The following RPN2 variants were observed in gnomAD, a reference collection of about 807,000 sequenced individuals.
RPN2 encodes the protein dolichyl-diphosphooligosaccharide--protein glycosyltransferase subunit 2.
RPN2 carries 29 observed loss-of-function variants against 71.4 expected under a neutral mutation model. The ratio of observed to expected loss-of-function variants is 0.41; its 90% CI spans 0.30 to 0.55. RPN2 has a LOEUF of 0.55. Among genes scored for constraint, RPN2 ranks in the 20% least tolerant of loss-of-function variants. The pLI is 0.35. For synonymous variants in RPN2, 308 were observed against 305.0 expected (o/e 1.01, Z -0.10); for missense variants, 726 against 774.1 (o/e 0.94, Z 0.74).
At chr20:37,223,836 C>T (rs752594863) in intron 9 of RPN2, 42 bp from the exon 10 acceptor site, 2 of 1,524,342 alleles carry the variant, frequency 1.3e-6, no homozygotes, top group East Asian at 4.5e-5. Flanking sequence ...TCCTGAACAC[C>T]CACCAATTGA....
intron 4 of RPN2, among the ~76,000 whole-genome samples, chr20:37,201,287 T>TA (rs1296595316): frequency 6.7e-6 from 1 of 149,328 alleles, no homozygotes; most frequent in Non-Finnish European, 1.5e-5. Context: ...TAAGCTTTTT[T>TA]TTTTTTTTTT....
chr20:37,232,370 G>C lies in RPN2; in HGVS notation c.1656G>C (p.Pro552=). The change falls in exon 14 of 17, where the codon CCG becomes CCC. Residue 552 remains proline, a synonymous_variant. Coordinates refer to ENST00000237530, the MANE Select transcript of RPN2 (RefSeq NM_002951.5). ...CATTCACTGCCCTGATCCTCTCGCC[G>C]TTGCTTCTGCTCTTCGCTCTGGTGA... ...SNTFTALILS[P]LLLLFALWIR... 6.2e-7 allele frequency: 1 copy of C among 1,614,170 alleles called. No homozygotes were observed. The highest frequency in any genetic ancestry group is 1.7e-5 in the Admixed American group (1 of 60,018).
chr20:37,183,150 T>C (rs1320164185), intron 1 of RPN2, among the ~76,000 whole-genome samples: 1 of 151,906 alleles, frequency 6.6e-6, no homozygotes, highest in Non-Finnish European at 1.5e-5. Context: ...AGCACAACAA[T>C]AATAATAGTA....
chr20:37,207,428 T>G lies in RPN2; in HGVS notation c.846T>G (p.Thr282=). Residue 282 remains threonine, a synonymous_variant, in exon 7 of 17, where the codon ACT becomes ACG. Transcript: ENST00000237530. ...VVVPEGSASD[T]HEQAILRLQV... ...TGCCTGAGGGCTCTGCTTCCGACAC[T>G]CATGAACAGGCTATCTTGCGGGTAA... The G allele has an allele frequency of 6.2e-7, 1 of 1,614,168 alleles. No individual in the cohort carries two copies. Among genetic ancestry groups the G allele is most frequent in the Non-Finnish European group, 8.5e-7 (1 of 1,180,016 alleles).
chr20:37,232,559 A>G (rs2068282078), intron 14 of RPN2, among the ~76,000 whole-genome samples, 168 bp downstream of exon 14: 1 of 152,130 alleles, frequency 6.6e-6, no homozygotes, highest in South Asian at 2.1e-4. Flanking sequence ...AAAAGTTCCC[A>G]CTGTGGAGGA....
At chr20:37,213,371 G>A (rs2067722496) in intron 8 of RPN2, among the ~76,000 whole-genome samples, 1 of 152,160 alleles carries the variant, frequency 6.6e-6, no homozygotes. Flanking sequence ...GCCCCAGCCT[G>A]CACTTTGGGA....
intron 9 of RPN2, among the ~76,000 whole-genome samples, chr20:37,219,087 A>G (rs919615598): frequency 6.6e-6 from 1 of 152,178 alleles, no homozygotes; most frequent in Admixed American, 6.5e-5. Flanking sequence ...TTCACTTTTC[A>G]AGAAACTAAC....
intron 4 of RPN2, among the ~76,000 whole-genome samples, chr20:37,202,214 G>A (rs181587776): frequency 1.3e-4 from 20 of 152,224 alleles, no homozygotes; most frequent in Non-Finnish European, 2.8e-4. Context: ...CGTTTATCAC[G>A]GGCAGATGTG....
intron 9 of RPN2, among the ~76,000 whole-genome samples, chr20:37,222,622 G>A (rs1460355054): frequency 3.9e-5 from 6 of 152,118 alleles, no homozygotes; most frequent in Admixed American, 6.5e-5. Context: ...TGCCCAGCCC[G>A]TTATCTCTAT....
intron 16 of RPN2, among the ~76,000 whole-genome samples, chr20:37,241,023 TC>T (rs2068535766): frequency 6.6e-6 from 1 of 152,226 alleles, no homozygotes; most frequent in African/African-American, 2.4e-5. Context: ...TTACCTCATC[TC>T]CTTATGTTGT....
At chr20:37,192,524 TGCAGGC>T (rs1271936399) in intron 2 of RPN2, among the ~76,000 whole-genome samples, 1 of 152,226 alleles carries the variant, frequency 6.6e-6, no homozygotes, top group African/African-American at 2.4e-5. Flanking sequence ...TGCTGGCTGC[TGCAGGC>T]TTCATTTGGT....
chr20:37,216,556 G>A (rs889742167), intron 9 of RPN2, among the ~76,000 whole-genome samples: 1 of 151,964 alleles, frequency 6.6e-6, no homozygotes, highest in African/African-American at 2.4e-5. Context: ...CTGCCTCCGG[G>A]GTTCAAGCGA....
chr20:37,222,001 C>G (rs2067970581), intron 9 of RPN2, among the ~76,000 whole-genome samples: 1 of 152,236 alleles, frequency 6.6e-6, no homozygotes. Flanking sequence ...GGGGAAAGTG[C>G]TCTCAGCAGG....
chr20:37,208,711 A>G (rs1339869990), intron 7 of RPN2, among the ~76,000 whole-genome samples: 3 of 152,228 alleles, frequency 2.0e-5, no homozygotes, highest in Non-Finnish European at 4.4e-5. Flanking sequence ...ACATGCACAG[A>G]TCTTGAATAT....
chr20:37,213,034 C>A (rs760579234), intron 8 of RPN2, among the ~76,000 whole-genome samples: 7 of 151,976 alleles, frequency 4.6e-5, no homozygotes, highest in Non-Finnish European at 1.0e-4. Flanking sequence ...TAAGATATGT[C>A]CTTTTTGAGA....
intron 2 of RPN2, among the ~76,000 whole-genome samples, chr20:37,190,122 T>C (rs1162496216): frequency 6.6e-6 from 1 of 152,168 alleles, no homozygotes; most frequent in Non-Finnish European, 1.5e-5. Flanking sequence ...CAGGATTCGG[T>C]GTAGGGGGTC....
chr20:37,179,839 C>T (rs1275052423), intron 1 of RPN2, among the ~76,000 whole-genome samples: 1 of 152,212 alleles, frequency 6.6e-6, no homozygotes, highest in African/African-American at 2.4e-5. Context: ...CATAAGTTCT[C>T]AAGTGACACT....
At chr20:37,218,764 C>G (rs1382110381) in intron 9 of RPN2, among the ~76,000 whole-genome samples, 1 of 152,058 alleles carries the variant, frequency 6.6e-6, no homozygotes, top group Non-Finnish European at 1.5e-5. Context: ...TGAAATCATA[C>G]AATAGGTTAC....
Position 37,184,178 on chromosome 20 carries a change from A to C in RPN2, c.14-2A>C. On this transcript the variant is annotated splice_acceptor_variant, in intron 1 of 16. Coordinates refer to ENST00000237530, the MANE Select transcript of RPN2 (RefSeq NM_002951.5). LOFTEE classifies it high-confidence loss of function. ...TGTACTGAATGGTTGTTTCCCCCCA[A>C]GGTTCAAGCACTGTCTTCCTGTTGG... 1.2e-6 allele frequency: 2 copies of C among 1,614,140 alleles called. No individual in the cohort carries two copies. The highest frequency in any genetic ancestry group is 1.7e-6 in the Non-Finnish European group (2 of 1,180,020).
Sources: allele counts gnomAD v4.1 joint callset (sites outside exome capture counted in the v4.1 genomes callset), GRCh38; gene constraint gnomAD v4.1.1; transcripts MANE v1.5; gene names NCBI Gene and HGNC (gene_info 2026-07-23, HGNC 2026-07-21).